Variants in ADGRV1 observed in about 807,000 individuals in gnomAD.
ADGRV1 encodes adhesion G protein-coupled receptor V1.
Under a neutral mutation model 596.2 loss-of-function variants are expected in ADGRV1, and 359 were observed. The observed-to-expected ratio is 0.60, with a 90% confidence interval of 0.55 to 0.66. The LOEUF is 0.66. Among genes scored for constraint, ADGRV1 ranks in the 30% least tolerant of loss-of-function variants. The probability of loss-of-function intolerance (pLI) is 0.00; values close to 1 mark genes in which losing one functional copy is unlikely to be tolerated. For missense variants in ADGRV1, 7,274 were observed against 7,575.6 expected (o/e 0.96, Z 1.48); for synonymous variants, 2,681 against 2,679.2 (o/e 1.00, Z -0.02).
chr5:91,113,800 T>C (rs1042013659), intron 87 of ADGRV1, among the ~76,000 whole-genome samples: 4 of 151,986 alleles, frequency 2.6e-5, no homozygotes, highest in African/African-American at 9.7e-5. Context: ...GTGCCTTTAG[T>C]CCCAGCTACT....
At chr5:91,149,677 A>G (rs542571048) in intron 87 of ADGRV1, among the ~76,000 whole-genome samples, 1 of 152,038 alleles carries the variant, frequency 6.6e-6, no homozygotes, top group East Asian at 1.9e-4. Flanking sequence ...TACTAAAAAT[A>G]TAAAAATTAG....
chr5:90,848,101 G>A (rs1419736221), intron 78 of ADGRV1, among the ~76,000 whole-genome samples: 1 of 152,010 alleles, frequency 6.6e-6, no homozygotes, highest in African/African-American at 2.4e-5. Context: ...TTTTTTAGTA[G>A]GAAGGGTCAT....
chr5:90,880,322 G>C (rs1005491487), intron 83 of ADGRV1, among the ~76,000 whole-genome samples: 2 of 152,140 alleles, frequency 1.3e-5, no homozygotes, highest in Non-Finnish European at 1.5e-5. Flanking sequence ...ATGAATGTAT[G>C]TCATGTACAG....
intron 70 of ADGRV1, among the ~76,000 whole-genome samples, chr5:90,793,689 C>G (rs1468144044): frequency 6.7e-6 from 1 of 148,164 alleles, no homozygotes; most frequent in Admixed American, 6.7e-5. Flanking sequence ...AAATACTTAG[C>G]TTTCCTAATA....
chr5:90,765,036 C>T (rs1756948076), intron 59 of ADGRV1, among the ~76,000 whole-genome samples: 1 of 152,144 alleles, frequency 6.6e-6, no homozygotes, highest in Non-Finnish European at 1.5e-5. Flanking sequence ...TTCCATGGGG[C>T]TCCAAGCTCC....
At chr5:90,813,614 G>C (rs956091113) in intron 74 of ADGRV1, among the ~76,000 whole-genome samples, 3 of 152,114 alleles carry the variant, frequency 2.0e-5, no homozygotes, top group Non-Finnish European at 2.9e-5. Flanking sequence ...GCAAATGACC[G>C]ATACCCTACC....
chr5:90,651,861 A>C (rs1768672289), intron 18 of ADGRV1, 131 bp downstream of exon 18: 5 of 570,828 alleles, frequency 8.8e-6, no homozygotes, highest in Non-Finnish European at 1.2e-5. Flanking sequence ...TGGCAGTCTG[A>C]ATGAGTGGTA....
intron 87 of ADGRV1, among the ~76,000 whole-genome samples, chr5:91,104,580 C>T (rs551939858): frequency 1.3e-5 from 2 of 152,230 alleles, no homozygotes; most frequent in Middle Eastern, 3.4e-3. Flanking sequence ...CTCCCTATCC[C>T]CTTTTTCCCC....
intron 1 of ADGRV1, among the ~76,000 whole-genome samples, chr5:90,586,579 A>G (rs566289185): frequency 6.6e-6 from 1 of 151,960 alleles, no homozygotes; most frequent in African/African-American, 2.4e-5. Context: ...TTTAGCCCCC[A>G]TTTTTCCTGT....
At chr5:90,576,022 T>G (rs1277558235) in intron 1 of ADGRV1, among the ~76,000 whole-genome samples, 1 of 152,164 alleles carries the variant, frequency 6.6e-6, no homozygotes, top group East Asian at 1.9e-4. Flanking sequence ...CATCAAAGAA[T>G]GTCCCTCTTT....
Position 90,763,337 on chromosome 5 carries a change from C to T in ADGRV1, c.12153C>T (p.Asp4051=). The T allele has an allele frequency of 1.2e-6, 2 of 1,606,210 alleles. No homozygotes were observed. The highest frequency in any genetic ancestry group is 1.7e-6 in the Non-Finnish European group (2 of 1,174,274). ...VMIDESLSSD[D]PDSYVTLTVV... ...TTGATGAATCCCTTTCATCCGATGA[C>T]CCTGATTCATATGTGACATTGACGG... The change falls in exon 59 of 90, where the codon GAC becomes GAT. Residue 4051 remains aspartate (D), a synonymous_variant. Transcript: ENST00000405460.
At chr5:90,917,889 T>A (rs949880503) in intron 83 of ADGRV1, among the ~76,000 whole-genome samples, 3 of 152,172 alleles carry the variant, frequency 2.0e-5, no homozygotes, top group African/African-American at 7.2e-5. Context: ...TCATTTTTTT[T>A]AAAGAAGCAT....
At chr5:90,993,822 T>C (rs1257905786) in intron 85 of ADGRV1, among the ~76,000 whole-genome samples, 1 of 152,158 alleles carries the variant, frequency 6.6e-6, no homozygotes, top group African/African-American at 2.4e-5. Flanking sequence ...TCAAATATCC[T>C]TTCTCCTCCT....
chr5:91,134,889 A>G (rs1198948542), intron 87 of ADGRV1, among the ~76,000 whole-genome samples: 1 of 152,182 alleles, frequency 6.6e-6, no homozygotes, highest in African/African-American at 2.4e-5. Context: ...GGAAACCAAA[A>G]TTGGAAATTT....
chr5:90,691,008 G>T lies in ADGRV1; in HGVS notation c.6918G>T (p.Glu2306Asp), dbSNP rs1746395942. ...PGETIQTLLL[E>D]VLADDVPEIE... ...AAACCATTCAAACCTTGTTGTTAGA[G>T]GTCCTGGCTGACGACGTTCCGGAGA... Residue 2306 changes from glutamate (E) to aspartate (D), a missense_variant, in exon 31 of 90, where the codon GAG becomes GAT. Glu to Asp is a conservative substitution (Grantham distance 45). Coordinates refer to ENST00000405460, the MANE Select transcript of ADGRV1 (RefSeq NM_032119.4). The T allele has an allele frequency of 1.2e-6, 2 of 1,613,698 alleles. No individual in the cohort carries two copies. The highest frequency in any genetic ancestry group is 3.3e-5 in the Admixed American group (2 of 60,002).
At chr5:90,758,381 A>T (rs1756076726) in intron 57 of ADGRV1, among the ~76,000 whole-genome samples, 1 of 152,230 alleles carries the variant, frequency 6.6e-6, no homozygotes, top group African/African-American at 2.4e-5. Flanking sequence ...TGAGATTCTT[A>T]TGTTAAAAGC....
chr5:90,829,069 G>A lies in ADGRV1; in HGVS notation c.16494G>A (p.Val5498=). Residue 5498 remains valine (V), a synonymous_variant, in exon 77 of 90, where the codon GTG becomes GTA. Transcript: ENST00000405460. ...ILESDESQSL[V]YFSVGSRLAV... ...AAAGTGATGAATCTCAAAGCCTTGT[G>A]TATTTTTCTGTGGGTTCTCGGCTGG... 1 of 1,612,854 alleles carries A rather than the reference G, an allele frequency of 6.2e-7. No individual in the cohort carries two copies. Among genetic ancestry groups the A allele is most frequent in the Non-Finnish European group, 8.5e-7 (1 of 1,179,156 alleles).
At chr5:90,794,783 G>T (rs925245539) in intron 70 of ADGRV1, among the ~76,000 whole-genome samples, 1 of 152,140 alleles carries the variant, frequency 6.6e-6, no homozygotes, top group South Asian at 2.1e-4. Context: ...TAGGTACCCG[G>T]TTCATCTCAC....
Position 90,876,232 on chromosome 5 carries a change from C to T in ADGRV1, c.17856+12375C>T, listed in dbSNP as rs551988431. On this transcript the variant is annotated intron_variant, in intron 83 of 89. Transcript: ENST00000405460. ...ATAACAATCACAAATCCTAATCCTC[C>T]TCTCAGAAATATTTAAAAAAACTAA... Among the ~76,000 whole-genome samples, 333 of 152,214 alleles carry T rather than the reference C, an allele frequency of 2.2e-3. 1 individual carries two copies. Among genetic ancestry groups the T allele is most frequent in the Non-Finnish European group, 3.7e-3 (253 of 68,008 alleles).
Sources: gnomAD v4.1 joint callset for allele counts (sites outside exome capture counted in the v4.1 genomes callset) on GRCh38, gnomAD v4.1.1 for gene constraint, MANE v1.5 for transcripts, NCBI Gene and HGNC (gene_info 2026-07-23, HGNC 2026-07-21) for gene names.